MYO7A: variants seen among roughly 807,000 people sequenced by gnomAD.
MYO7A encodes the protein myosin VIIA, also known as unconventional myosin-VIIa.
Under a neutral mutation model 263.8 loss-of-function variants are expected in MYO7A, and 210 were observed. That is an observed-to-expected ratio of 0.80 (90% CI 0.71 to 0.89). The LOEUF (loss-of-function observed/expected upper bound fraction) is 0.89. MYO7A is among the 40% of genes least tolerant of loss of function. The pLI is 0.00. For synonymous variants in MYO7A, 1,239 were observed against 1,197.3 expected, an observed-to-expected ratio of 1.03 and a Z score of -0.72; for missense variants, 2,820 against 2,968.3, an observed-to-expected ratio of 0.95 and a Z score of 1.16.
In MYO7A at chr11:77,201,477, G is replaced by A. The variant is rs2135698433; in HGVS notation, c.4882G>A (p.Ala1628Thr). The part of the protein sequence containing the change: ...AGEESGFLSF[A>T]KGDLIILDHD... The stretch of plus-strand genomic sequence containing the variant: ...CGAGGAGTCAGGCTTCCTCAGCTTT[G>A]CCAAGGGAGACCTCATCATCCTGGA... The change falls in exon 36 of 49, where the codon GCC (alanine) becomes ACC (threonine). Residue 1628 changes from alanine to threonine, a missense_variant. Ala to Thr is a moderately conservative substitution (Grantham distance 58, BLOSUM62 0). Coordinates refer to ENST00000409709, the MANE Select transcript of MYO7A (RefSeq NM_000260.4). 1 of 1,613,956 alleles carries A rather than the reference G, an allele frequency of 6.2e-7. No individual in the cohort carries two copies. The highest frequency in any genetic ancestry group is 8.5e-7 in the Non-Finnish European group (1 of 1,179,878).
chr11:77,158,559 A>G, intron 9 of MYO7A, 129 bp downstream of exon 9: 2 of 1,200,826 alleles, frequency 1.7e-6, no homozygotes, highest in Non-Finnish European at 2.3e-6. Flanking sequence ...GAAGCTGGGA[A>G]GAATTCGCCT....
At position 77,190,858 on chromosome 11, in the gene MYO7A, CCT is replaced by C; in HGVS notation, c.3913_3914del (p.Leu1305ValfsTer2). 1 of 1,572,552 alleles carries C rather than the reference CCT, an allele frequency of 6.4e-7. No individual in the cohort carries two copies. The highest frequency in any genetic ancestry group is 8.6e-7 in the Non-Finnish European group (1 of 1,156,666). On this transcript the variant is annotated frameshift_variant, in exon 30 of 49. Coordinates refer to ENST00000409709, the MANE Select transcript of MYO7A (RefSeq NM_000260.4). LOFTEE classifies it high-confidence loss of function. ...GGTTCGGGTTCTCCCTCTACATTGC[CCT>C]GTTTGACAAGGTATGGCCGCCCGGA... ...DRFGFSLYIA[L>X]FDKVSSLGSG...
chr11:77,199,423 A>G (rs904598514), intron 34 of MYO7A, 112 bp from the exon 35 acceptor site: 13 of 1,202,254 alleles, frequency 1.1e-5, no homozygotes, highest in Non-Finnish European at 1.4e-5. Context: ...CCTCTGGGCC[A>G]TGCCTGACTC....
chr11:77,174,734 C>T, intron 16 of MYO7A, 22 bp from the exon 17 acceptor site: 2 of 1,562,598 alleles, frequency 1.3e-6, no homozygotes, highest in Non-Finnish European at 1.7e-6. Context: ...GGCCCTGATG[C>T]CCTTGGCTGT....
chr11:77,152,620 T>A (rs927338901), intron 4 of MYO7A, among the ~76,000 whole-genome samples: 1 of 151,870 alleles, frequency 6.6e-6, no homozygotes, highest in Non-Finnish European at 1.5e-5. Context: ...CAACCTGCCC[T>A]GTACTTCCCC....
chr11:77,131,505 C>A (rs1298841819), intron 2 of MYO7A, among the ~76,000 whole-genome samples: 2 of 152,210 alleles, frequency 1.3e-5, no homozygotes, highest in African/African-American at 4.8e-5. Context: ...GAGGAGACCC[C>A]CTTTAGAGCC....
chr11:77,182,468 C>T lies in MYO7A; in HGVS notation c.3153C>T (p.Asp1051=). ...VWITILRFMG[D]LPEPKYHTAM... ...TCACCATCCTCCGCTTCATGGGGGA[C>T]CTCCCTGAGCCCAAGTACCACACAG... The change falls in exon 25 of 49, where the codon GAC becomes GAT. Residue 1051 remains aspartate, a synonymous_variant. Transcript: ENST00000409709. 1.2e-6 allele frequency: 2 copies of T among 1,609,934 alleles called. No homozygotes were observed. Among genetic ancestry groups the T allele is most frequent in the African/African-American group, 2.8e-5 (2 of 71,900 alleles).
intron 4 of MYO7A, among the ~76,000 whole-genome samples, chr11:77,153,802 T>A (rs968396300): frequency 6.6e-6 from 1 of 152,128 alleles, no homozygotes; most frequent in Non-Finnish European, 1.5e-5. Context: ...CTCCCTCCCC[T>A]ACACCCCTAT....
intron 25 of MYO7A, 81 bp downstream of exon 25, chr11:77,182,681 C>A: frequency 6.9e-7 from 1 of 1,448,382 alleles, no homozygotes; most frequent in Non-Finnish European, 9.3e-7. Context: ...TTGGGCTCCT[C>A]TGCAGAAAAA....
At chr11:77,199,367 G>C (rs548492208) in intron 34 of MYO7A, among the ~76,000 whole-genome samples, 168 bp from the exon 35 acceptor site, 1 of 152,362 alleles carries the variant, frequency 6.6e-6, no homozygotes, top group South Asian at 2.1e-4. Flanking sequence ...GGGTGAGTAG[G>C]AATTAGACAG....
intron 3 of MYO7A, among the ~76,000 whole-genome samples, chr11:77,144,198 C>T (rs573022200): frequency 3.9e-5 from 6 of 152,300 alleles, no homozygotes; most frequent in South Asian, 4.1e-4. Context: ...GCCCTTGGGC[C>T]GTAGAACCCA....
At chr11:77,196,195 C>G (rs1047425106) in intron 32 of MYO7A, among the ~76,000 whole-genome samples, 1 of 152,194 alleles carries the variant, frequency 6.6e-6, no homozygotes, top group Non-Finnish European at 1.5e-5. Flanking sequence ...GGCAAAACCC[C>G]GTCTCTACTA....
rs772008531 is a variant in MYO7A at position 77,208,477 on chromosome 11, C to CT, written c.5906dup (p.Leu1969PhefsTer107). 1.2e-6 allele frequency: 2 copies of CT among 1,613,852 alleles called. No homozygotes were observed. Among genetic ancestry groups the CT allele is most frequent in the East Asian group, 4.5e-5 (2 of 44,866 alleles). ...ACTTCTTCTTTGACTTTGTTCGACA[C>CT]TTGACAGACTGGATAAAGAAAGCTC... On this transcript the variant is annotated frameshift_variant, in exon 43 of 49. Coordinates refer to ENST00000409709, the MANE Select transcript of MYO7A (RefSeq NM_000260.4). LOFTEE classifies it high-confidence loss of function.
At chr11:77,170,850 T>C (rs12274852) in intron 15 of MYO7A, among the ~76,000 whole-genome samples, 2,961 of 152,162 alleles carry the variant, frequency 0.019, 82 homozygotes, top group African/African-American at 0.067. Flanking sequence ...GTTCTGGAGA[T>C]ATTTTGAAAG....
Position 77,207,245 on chromosome 11 carries a change from C to T in MYO7A, c.5743-44C>T, listed in dbSNP as rs749527721. ...AGAGGGGCCCGGGAGGACCAGGTCC[C>T]GGGAAAGGCCCTGCAGGAGCCCAGT... On this transcript the variant is annotated intron_variant, in intron 41 of 48. Coordinates refer to ENST00000409709, the MANE Select transcript of MYO7A (RefSeq NM_000260.4). The T allele has an allele frequency of 1.0e-5, 15 of 1,450,698 alleles. No homozygotes were observed. The African/African-American group carries it at 1.1e-4, about 11-fold the overall frequency. The allele number at this position is 1,450,698 out of a possible 1,614,324, so 89.9% of individuals were successfully genotyped here. A position where few individuals can be genotyped will look rare whatever the true frequency, so the allele number is the denominator to read the frequency against.
chr11:77,146,982 C>T (rs1169376787), intron 3 of MYO7A, among the ~76,000 whole-genome samples: 1 of 152,112 alleles, frequency 6.6e-6, no homozygotes, highest in Non-Finnish European at 1.5e-5. Context: ...GGGAATATTG[C>T]GGAGTAAGGA....
At chr11:77,157,043 C>G in intron 7 of MYO7A, 39 bp downstream of exon 7, 2 of 1,598,912 alleles carry the variant, frequency 1.3e-6, no homozygotes, top group Non-Finnish European at 1.7e-6. Context: ...TAGACCCAGG[C>G]CCCTGGCCTC....
chr11:77,175,019 T>C (rs559947986), intron 17 of MYO7A, 105 bp downstream of exon 17: 10 of 1,433,998 alleles, frequency 7.0e-6, no homozygotes, highest in Non-Finnish European at 9.5e-6. Context: ...TGACATCTGC[T>C]TGACCTCTCA....
Position 77,194,198 on chromosome 11 carries a change from TC to T in MYO7A, c.4153-153del, listed in dbSNP as rs1352249128. On this transcript the variant is annotated intron_variant, in intron 31 of 48. Coordinates refer to ENST00000409709, the MANE Select transcript of MYO7A (RefSeq NM_000260.4). ...ATGGTTCCTCTGAGCAGACAAGAAT[TC>T]CCTGGTGAATCAGTGAGAAGCCTGG... is the stretch of plus-strand genomic sequence containing the variant. The T allele has an allele frequency of 3.4e-6, 3 of 894,782 alleles. No homozygotes were observed. The African/African-American group carries it at 5.0e-5, about 15-fold the overall frequency. 55.4% of individuals were successfully genotyped at this position (894,782 alleles called of 1,614,324 possible). A position where few individuals can be genotyped will look rare whatever the true frequency, so the allele number is the denominator to read the frequency against.
Sources: allele counts gnomAD v4.1 joint callset (sites outside exome capture counted in the v4.1 genomes callset), GRCh38; gene constraint gnomAD v4.1.1; transcripts MANE v1.5; gene names NCBI Gene and HGNC (gene_info 2026-07-23, HGNC 2026-07-21).